The following ARHGAP10 variants were observed in gnomAD, a reference collection of about 807,000 sequenced individuals.
The protein encoded by ARHGAP10 is Rho GTPase activating protein 10, also known as rho GTPase-activating protein 10.
In ARHGAP10, 87 loss-of-function variants were observed where a neutral mutation model predicts 108.6. The observed-to-expected ratio is 0.80, with a 90% CI of 0.67 to 0.96. ARHGAP10 has a LOEUF of 0.96. Among genes scored for constraint, ARHGAP10 ranks in the 40% least tolerant of loss-of-function variants. The pLI is 0.00. For missense variants in ARHGAP10, 939 were observed against 954.5 expected (o/e 0.98, Z 0.21); for synonymous variants, 347 against 341.1 (o/e 1.02, Z -0.19).
At chr4:147,837,643 GT>G (rs59933316) in intron 3 of ARHGAP10, among the ~76,000 whole-genome samples, 1,647 of 70,248 alleles carry the variant, frequency 0.023, 76 homozygotes, top group African/African-American at 0.056. Context: ...TCTGGTCACT[GT>G]TTTTTTTTTT....
intron 18 of ARHGAP10, among the ~76,000 whole-genome samples, chr4:147,986,643 G>T (rs1182347986): frequency 6.6e-6 from 1 of 152,022 alleles, no homozygotes; most frequent in South Asian, 2.1e-4. Flanking sequence ...AGGCCTCTCT[G>T]GTTACCATCT....
At chr4:147,985,638 A>C (rs145877320) in intron 18 of ARHGAP10, among the ~76,000 whole-genome samples, 1 of 152,224 alleles carries the variant, frequency 6.6e-6, no homozygotes, top group Non-Finnish European at 1.5e-5. Context: ...TTGATCCAAG[A>C]CTAAATTGTC....
rs546508321 is a variant in ARHGAP10, at chr4:147,785,316, C to A, written c.155-37411C>A. 5.9e-5 allele frequency among the ~76,000 whole-genome samples: 9 copies of A among 152,098 alleles called. No individual in the cohort carries two copies. The South Asian group carries it at 1.9e-3, about 32-fold the overall frequency. On this transcript the variant is annotated intron_variant, in intron 1 of 22. Coordinates refer to ENST00000336498, the MANE Select transcript of ARHGAP10 (RefSeq NM_024605.4). Reference sequence around the variant, plus strand: ...TCTGTTGTGTCTCCAATCCAGTGCTCCATTTTTGCTTCTTTCTGTTCTCTG... The same window carrying A: ...TCTGTTGTGTCTCCAATCCAGTGCTACATTTTTGCTTCTTTCTGTTCTCTG...
At chr4:147,893,245 G>C (rs1330701687) in intron 10 of ARHGAP10, among the ~76,000 whole-genome samples, 10 of 151,734 alleles carry the variant, frequency 6.6e-5, no homozygotes, top group Admixed American at 6.6e-4. Flanking sequence ...TTTTAGTAGA[G>C]ACGGGTTTCA....
At chr4:148,023,525 C>G (rs1430844963) in intron 19 of ARHGAP10, 112 bp downstream of exon 19, 2 of 1,192,030 alleles carry the variant, frequency 1.7e-6, no homozygotes, top group Non-Finnish European at 1.1e-6. Flanking sequence ...TTCTTCTTCC[C>G]TTAAGATTAT....
At chr4:147,904,650 G>T (rs62332176) in intron 10 of ARHGAP10, among the ~76,000 whole-genome samples, 118,083 of 152,040 alleles carry the variant, frequency 0.78, 48,326 homozygotes, top group Non-Finnish European at 0.92. Context: ...ATTTGGGTTG[G>T]TTCCAAGTCT....
At chr4:147,797,833 G>A (rs1318482115) in intron 1 of ARHGAP10, among the ~76,000 whole-genome samples, 1 of 152,154 alleles carries the variant, frequency 6.6e-6, no homozygotes, top group African/African-American at 2.4e-5. Context: ...TGTGCCCTCT[G>A]CTATGTTCCC....
In ARHGAP10 at chr4:147,908,287, C is replaced by T. The variant is rs935835032; in HGVS notation, c.1117-1445C>T. ...CAGCACACTCACTGGAATGTATCGC[C>T]CCAGAGATGCAGGAAGTATATTGGA... On this transcript the variant is annotated intron_variant, in intron 11 of 22. Transcript: ENST00000336498. Among the ~76,000 whole-genome samples the T allele has an allele frequency of 2.0e-5, 3 of 152,200 alleles. No individual in the cohort carries two copies. The East Asian group carries it at 5.8e-4, about 29-fold the overall frequency.
At chr4:147,837,897 T>A (rs1013826925) in intron 3 of ARHGAP10, among the ~76,000 whole-genome samples, 2 of 152,024 alleles carry the variant, frequency 1.3e-5, no homozygotes, top group African/African-American at 2.4e-5. Flanking sequence ...GACAACATTA[T>A]TTTCCCAGAA....
chr4:147,982,546 C>CTTTTTTTTTTTTTT (rs753773443), intron 18 of ARHGAP10, among the ~76,000 whole-genome samples: 38 of 66,268 alleles, frequency 5.7e-4, no homozygotes, highest in East Asian at 2.5e-3. Context: ...CCAGCTAAAT[C>CTTTTTTTTTTTTTT]TTTTTTTTTT....
chr4:147,867,702 A>G (rs1047705822), intron 7 of ARHGAP10, among the ~76,000 whole-genome samples: 45 of 152,034 alleles, frequency 3.0e-4, no homozygotes, highest in Non-Finnish European at 5.0e-4. Context: ...TGTCTCCACT[A>G]AAAATACAAA....
intron 18 of ARHGAP10, among the ~76,000 whole-genome samples, chr4:148,016,170 A>G (rs1741336971): frequency 1.3e-5 from 2 of 152,352 alleles, no homozygotes; most frequent in Middle Eastern, 6.8e-3. Context: ...CTATCATAAT[A>G]AAGACCAGTG....
At chr4:147,922,687 C>CAA (rs34169210) in intron 13 of ARHGAP10, among the ~76,000 whole-genome samples, 10,124 of 99,008 alleles carry the variant, frequency 0.1, 1,111 homozygotes, top group African/African-American at 0.3. Context: ...GACTCCGTCT[C>CAA]AAAAAAAAAA....
At chr4:147,943,600 C>G (rs922632641) in intron 14 of ARHGAP10, among the ~76,000 whole-genome samples, 3 of 152,054 alleles carry the variant, frequency 2.0e-5, no homozygotes, top group Non-Finnish European at 2.9e-5. Flanking sequence ...AAACATTCAC[C>G]CAAATAAAAA....
intron 18 of ARHGAP10, among the ~76,000 whole-genome samples, chr4:148,015,234 G>A (rs1560875652): frequency 6.6e-6 from 1 of 152,306 alleles, no homozygotes; most frequent in East Asian, 1.9e-4. Flanking sequence ...CTCCCCAGAA[G>A]AGGAAGTACA....
intron 1 of ARHGAP10, among the ~76,000 whole-genome samples, chr4:147,741,834 C>G: frequency 6.8e-6 from 1 of 147,410 alleles, no homozygotes; most frequent in East Asian, 2.0e-4. Flanking sequence ...ACACACCAGG[C>G]GCTTTGCATT....
intron 1 of ARHGAP10, among the ~76,000 whole-genome samples, chr4:147,816,633 A>T (rs1732259773): frequency 6.6e-6 from 1 of 152,206 alleles, no homozygotes; most frequent in Non-Finnish European, 1.5e-5. Flanking sequence ...TAGCCCTGTG[A>T]TGCATTCTGG....
chr4:148,027,337 C>G (rs1446473831), intron 19 of ARHGAP10, among the ~76,000 whole-genome samples: 1 of 152,146 alleles, frequency 6.6e-6, no homozygotes, highest in African/African-American at 2.4e-5. Flanking sequence ...ATCTTGCAAG[C>G]CAATTGGCAA....
chr4:147,983,370 A>G (rs1578758353), intron 18 of ARHGAP10, among the ~76,000 whole-genome samples: 1 of 151,364 alleles, frequency 6.6e-6, no homozygotes, highest in African/African-American at 2.4e-5. Context: ...TATTTTTAGT[A>G]GAGACAGGGT....
Sources: allele counts gnomAD v4.1 joint callset (sites outside exome capture counted in the v4.1 genomes callset), GRCh38; gene constraint gnomAD v4.1.1; transcripts MANE v1.5; gene names NCBI Gene and HGNC (gene_info 2026-07-23, HGNC 2026-07-21).